Variants in CATSPERE observed in about 807,000 individuals in gnomAD.
The protein encoded by CATSPERE is cation channel sperm-associated auxiliary subunit epsilon.
Under a neutral mutation model 114.1 loss-of-function variants are expected in CATSPERE, and 93 were observed. The ratio of observed to expected loss-of-function variants is 0.81; its 90% confidence interval spans 0.69 to 0.97. CATSPERE has a LOEUF of 0.97. CATSPERE is among the 50% of genes least tolerant of loss of function. The pLI is 0.00. For missense variants in CATSPERE, 1,058 were observed against 1,131.6 expected (o/e 0.93, Z 0.93); for synonymous variants, 341 against 384.1 (o/e 0.89, Z 1.31).
intron 18 of CATSPERE, among the ~76,000 whole-genome samples, chr1:244,609,781 C>A (rs1173215675): frequency 6.6e-6 from 1 of 152,198 alleles, no homozygotes; most frequent in African/African-American, 2.4e-5. Flanking sequence ...AAGCACATGC[C>A]TGTAATCCCA....
At chr1:244,542,123 A>G (rs1171281009) in intron 8 of CATSPERE, among the ~76,000 whole-genome samples, 3 of 147,842 alleles carry the variant, frequency 2.0e-5, no homozygotes, top group Non-Finnish European at 4.5e-5. Flanking sequence ...AAACCTGCAC[A>G]TTGTGCACAT....
At chr1:244,628,520 T>TA (rs1673490597) in intron 20 of CATSPERE, among the ~76,000 whole-genome samples, 1 of 45,734 alleles carries the variant, frequency 2.2e-5, no homozygotes, top group Non-Finnish European at 5.0e-5. Context: ...AAACCCCAAA[T>TA]TTCAGATCTA....
At chr1:244,484,137 T>G (rs1453716364) in intron 5 of CATSPERE, among the ~76,000 whole-genome samples, 2 of 152,232 alleles carry the variant, frequency 1.3e-5, no homozygotes, top group Non-Finnish European at 2.9e-5. Flanking sequence ...CTGGCTGTTC[T>G]GTTCAGCTGA....
intron 19 of CATSPERE, among the ~76,000 whole-genome samples, chr1:244,616,553 T>C (rs1671421333): frequency 6.6e-6 from 1 of 152,120 alleles, no homozygotes; most frequent in Non-Finnish European, 1.5e-5. Flanking sequence ...CATCATCAGA[T>C]GGCAGAAGGC....
chr1:244,625,434 T>TA lies in CATSPERE; in HGVS notation c.2648+7748_2648+7749insA, dbSNP rs1558619128. Among the ~76,000 whole-genome samples the TA allele has an allele frequency of 4.3e-4, 9 of 21,124 alleles. 1 individual carries two copies. The highest frequency in any genetic ancestry group is 2.1e-3 in the African/African-American group (9 of 4,342). The allele number at this position is 21,124 out of a possible 152,430, so 13.9% of individuals were successfully genotyped here. ...TATATATATATATATATATATATAT[T>TA]TTTTTTTTTTTTTGAGATGGAGTCT... On this transcript the variant is annotated intron_variant, in intron 20 of 21. Coordinates refer to ENST00000366534, the MANE Select transcript of CATSPERE (RefSeq NM_001130957.2).
chr1:244,590,435 A>G (rs563582995), intron 14 of CATSPERE, among the ~76,000 whole-genome samples: 1 of 152,300 alleles, frequency 6.6e-6, no homozygotes, highest in Non-Finnish European at 1.5e-5. Context: ...AAAAAGTGTG[A>G]TGAAATTCAC....
chr1:244,567,261 C>T (rs935729182), intron 10 of CATSPERE, among the ~76,000 whole-genome samples: 5 of 152,204 alleles, frequency 3.3e-5, no homozygotes, highest in South Asian at 2.1e-4. Flanking sequence ...CAACCTTTCT[C>T]TCTAGCTGCC....
intron 1 of CATSPERE, among the ~76,000 whole-genome samples, chr1:244,463,001 G>A (rs1667049315): frequency 6.6e-6 from 1 of 152,164 alleles, no homozygotes; most frequent in African/African-American, 2.4e-5. Context: ...CCAGCTACAT[G>A]TGCCTTTTGA....
intron 5 of CATSPERE, among the ~76,000 whole-genome samples, chr1:244,484,657 T>A (rs985502352): frequency 1.3e-5 from 2 of 152,258 alleles, no homozygotes; most frequent in African/African-American, 4.8e-5. Flanking sequence ...TGCTTTCTAG[T>A]TGTTTGTTTA....
chr1:244,485,333 C>T (rs976512093), intron 5 of CATSPERE, among the ~76,000 whole-genome samples: 1 of 151,968 alleles, frequency 6.6e-6, no homozygotes, highest in African/African-American at 2.4e-5. Flanking sequence ...AGGCACCCAC[C>T]ACCACACCTG....
chr1:244,599,022 C>T (rs890042445), intron 17 of CATSPERE, among the ~76,000 whole-genome samples: 1 of 152,146 alleles, frequency 6.6e-6, no homozygotes, highest in Non-Finnish European at 1.5e-5. Flanking sequence ...TATAGAACTA[C>T]ATCGTCCGGA....
intron 9 of CATSPERE, among the ~76,000 whole-genome samples, chr1:244,553,452 G>A (rs574525986): frequency 6.6e-6 from 1 of 151,674 alleles, no homozygotes; most frequent in East Asian, 1.9e-4. Context: ...AGTGCCTGTA[G>A]TGGTGGGTGT....
At chr1:244,455,096 C>T (rs1666007337) in intron 1 of CATSPERE, among the ~76,000 whole-genome samples, 1 of 152,140 alleles carries the variant, frequency 6.6e-6, no homozygotes, top group African/African-American at 2.4e-5. Flanking sequence ...CTGTAGGCTC[C>T]TTCTGGGAAG....
rs537793840 is a variant in CATSPERE, at chr1:244,497,758, T to C, written c.352-1244T>C. ...GTTGCAGTGAGGTGAGATTGCACCA[T>C]TGCACTCCAGCCTGGGCGACAGAGC... is the stretch of plus-strand genomic sequence containing the variant. On this transcript the variant is annotated intron_variant, in intron 6 of 21. Coordinates refer to ENST00000366534, the MANE Select transcript of CATSPERE (RefSeq NM_001130957.2). Among the ~76,000 whole-genome samples the C allele has an allele frequency of 5.9e-5, 9 of 152,192 alleles. No individual in the cohort carries two copies. In the South Asian group the frequency reaches 1.9e-3, roughly 32 times the overall value.
chr1:244,526,137 T>C (rs1678554860), intron 8 of CATSPERE, among the ~76,000 whole-genome samples: 1 of 152,164 alleles, frequency 6.6e-6, no homozygotes, highest in Non-Finnish European at 1.5e-5. Context: ...CAGGAAAGTG[T>C]GGTGACACAT....
At chr1:244,526,371 T>G (rs1458373620) in intron 8 of CATSPERE, among the ~76,000 whole-genome samples, 1 of 150,402 alleles carries the variant, frequency 6.6e-6, no homozygotes, top group Non-Finnish European at 1.5e-5. Flanking sequence ...ATTGGGCCAC[T>G]ACACTTCAAC....
At position 244,553,533 on chromosome 1, in the gene CATSPERE, A is replaced by G. The variant is rs548503013; in HGVS notation, c.1029+719A>G. ...GAGGCGGAGCTTGCAGTGAGCCGAG[A>G]TCGTGCCACTGCACTCCAGCCTGGG... is the stretch of plus-strand genomic sequence containing the variant. On this transcript the variant is annotated intron_variant, in intron 9 of 21. Transcript: ENST00000366534. Among the ~76,000 whole-genome samples, 9 of 146,656 alleles carry G rather than the reference A, an allele frequency of 6.1e-5. No individual in the cohort carries two copies. The Admixed American group carries it at 6.2e-4, about 10-fold the overall frequency.
chr1:244,553,409 CGCA>C (rs1558483864), intron 9 of CATSPERE, among the ~76,000 whole-genome samples: 4 of 150,916 alleles, frequency 2.7e-5, no homozygotes, highest in Non-Finnish European at 5.9e-5. Context: ...ATTAGCTGGG[CGCA>C]GTGGTGGGTG....
At position 244,591,742 on chromosome 1, in the gene CATSPERE, T is replaced by G. The variant is rs1667746493; in HGVS notation, c.2189+11T>G. ...ATACGTGATTGAAAAGTAAGAAATTTTTTAACATAAGCACTGAGTTTTATA... is the reference window on the plus strand; with the variant it reads ...ATACGTGATTGAAAAGTAAGAAATTGTTTAACATAAGCACTGAGTTTTATA... On this transcript the variant is annotated intron_variant, in intron 15 of 21. Transcript: ENST00000366534. 1 of 1,479,062 alleles carries G rather than the reference T, an allele frequency of 6.8e-7. No individual in the cohort carries two copies. Among genetic ancestry groups the G allele is most frequent in the African/African-American group, 1.4e-5 (1 of 71,702 alleles). 91.6% of individuals were successfully genotyped at this position (1,479,062 alleles called of 1,614,324 possible). A position where few individuals can be genotyped will look rare whatever the true frequency, so the allele number is the denominator to read the frequency against.
Sources: gnomAD v4.1 joint callset for allele counts (sites outside exome capture counted in the v4.1 genomes callset) on GRCh38, gnomAD v4.1.1 for gene constraint, MANE v1.5 for transcripts, NCBI Gene and HGNC (gene_info 2026-07-23, HGNC 2026-07-21) for gene names.